Variants in NFAT5 observed in about 807,000 individuals in gnomAD.
NFAT5 encodes the protein nuclear factor of activated T-cells 5.
A neutral mutation model predicts 166.5 loss-of-function variants in NFAT5; 31 were observed. That is an observed-to-expected ratio of 0.19 (90% CI 0.14 to 0.25). The LOEUF is 0.25. NFAT5 is among the 10% of genes least tolerant of loss of function. The probability of loss-of-function intolerance (pLI) is 1.00; values close to 1 mark genes in which losing one functional copy is unlikely to be tolerated. For missense variants in NFAT5, 1,449 were observed against 1,821.8 expected, an observed-to-expected ratio of 0.80 and a Z score of 3.72; for synonymous variants, 612 against 639.7, an observed-to-expected ratio of 0.96 and a Z score of 0.65.
intron 10 of NFAT5, among the ~76,000 whole-genome samples, chr16:69,680,481 A>C (rs1324642582): frequency 1.3e-5 from 2 of 152,194 alleles, no homozygotes; most frequent in Non-Finnish European, 2.9e-5. Flanking sequence ...GGCCTTTGAT[A>C]AATTGCTGAA....
Position 69,653,371 on chromosome 16 carries a change from T to C in NFAT5, c.948T>C (p.Thr316=), listed in dbSNP as rs1278786133. The part of the protein sequence containing the change: ...PETQHRARYL[T]EGSRGSVKDR... ...CACAGCACCGAGCTCGGTACCTGAC[T>C]GAGGGCAGCCGTGGCTCAGTGAAAG... The change falls in exon 5 of 15, where the codon ACT becomes ACC. Residue 316 remains threonine (T), a synonymous_variant. Transcript: ENST00000349945. 2.5e-6 allele frequency: 4 copies of C among 1,610,176 alleles called. No homozygotes were observed. The highest frequency in any genetic ancestry group is 2.5e-6 in the Non-Finnish European group (3 of 1,179,108).
intron 3 of NFAT5, among the ~76,000 whole-genome samples, chr16:69,639,921 AGAGGTTAATAATT>A (rs1257709690): frequency 6.6e-6 from 1 of 152,212 alleles, no homozygotes; most frequent in Non-Finnish European, 1.5e-5. Flanking sequence ...ACATGCATTC[AGAGGTTAATAATT>A]AAATTTTTTG....
rs925955319 is a variant in NFAT5, at chr16:69,657,867, C to T, written c.1197-1860C>T. 4.6e-5 allele frequency among the ~76,000 whole-genome samples: 7 copies of T among 150,796 alleles called. No individual in the cohort carries two copies. The East Asian group carries it at 5.8e-4, about 13-fold the overall frequency. On this transcript the variant is annotated intron_variant, in intron 6 of 14. Coordinates refer to ENST00000349945, the MANE Select transcript of NFAT5 (RefSeq NM_138713.4). ...TTGGGAGGCCGAGGCAGGCGGATCACGAGGTCAGGAGATCGAGACCATCCT... is the reference window on the plus strand; with the variant it reads ...TTGGGAGGCCGAGGCAGGCGGATCATGAGGTCAGGAGATCGAGACCATCCT...
intron 2 of NFAT5, among the ~76,000 whole-genome samples, chr16:69,587,944 CTTTT>C (rs61460423): frequency 4.4e-5 from 3 of 68,230 alleles, no homozygotes; most frequent in Non-Finnish European, 8.6e-5. Flanking sequence ...ATAGTGCTTT[CTTTT>C]TTTTTTTTTT....
chr16:69,661,697 T>C (rs1225785555), intron 7 of NFAT5, among the ~76,000 whole-genome samples: 1 of 152,028 alleles, frequency 6.6e-6, no homozygotes, highest in Non-Finnish European at 1.5e-5. Flanking sequence ...CAATCCTGGG[T>C]GTAGGTTCGA....
intron 4 of NFAT5, chr16:69,649,230 A>G (rs1331957722): frequency 1.0e-6 from 1 of 957,262 alleles, no homozygotes; most frequent in Non-Finnish European, 1.2e-6. Context: ...ATATCATTTA[A>G]TTACATATGT....
chr16:69,645,284 T>G (rs1398396574), intron 3 of NFAT5, among the ~76,000 whole-genome samples: 1 of 152,226 alleles, frequency 6.6e-6, no homozygotes, highest in Non-Finnish European at 1.5e-5. Context: ...TAAATTGGAA[T>G]GCAGTTTAAA....
intron 2 of NFAT5, among the ~76,000 whole-genome samples, chr16:69,618,769 A>T (rs1294390889): frequency 2.6e-5 from 4 of 152,316 alleles, no homozygotes; most frequent in South Asian, 2.1e-4. Context: ...TCTAATATTT[A>T]AAAAAAGATT....
intron 2 of NFAT5, among the ~76,000 whole-genome samples, chr16:69,599,621 G>C (rs1384718384): frequency 6.6e-6 from 1 of 152,134 alleles, no homozygotes; most frequent in Non-Finnish European, 1.5e-5. Flanking sequence ...AGGGTTAGGA[G>C]GGATAAGAAA....
intron 2 of NFAT5, among the ~76,000 whole-genome samples, chr16:69,584,036 C>A (rs187212973): frequency 6.6e-6 from 1 of 152,034 alleles, no homozygotes; most frequent in Non-Finnish European, 1.5e-5. Context: ...ACCAGCCTGG[C>A]CAACATGATG....
intron 2 of NFAT5, among the ~76,000 whole-genome samples, chr16:69,591,782 A>G (rs907110299): frequency 6.6e-6 from 1 of 152,154 alleles, no homozygotes; most frequent in Non-Finnish European, 1.5e-5. Flanking sequence ...TCATGGGGCC[A>G]AGGCAGATGA....
intron 2 of NFAT5, among the ~76,000 whole-genome samples, chr16:69,574,695 G>C (rs1194392586): frequency 1.3e-5 from 2 of 149,622 alleles, no homozygotes; most frequent in Non-Finnish European, 3.0e-5. Flanking sequence ...TTGAAACGGA[G>C]TCGTGCTCTG....
rs144294785 is a variant in NFAT5, at chr16:69,568,376, GTATATATATATA to G, written c.74-112_74-101del. ...TGTGTGTGTGTGTGTGTGTGTGTGT[GTATATATATATA>G]TATATACACACACACACATTGCAGT... On this transcript the variant is annotated intron_variant, in intron 1 of 14. Coordinates refer to ENST00000349945, the MANE Select transcript of NFAT5 (RefSeq NM_138713.4). 752 of 288,444 alleles carry G rather than the reference GTATATATATATA, an allele frequency of 2.6e-3. 24 individuals carry two copies. Among genetic ancestry groups the G allele is most frequent in the South Asian group, 6.2e-3 (154 of 24,738 alleles). The allele number at this position is 288,444 out of a possible 1,614,324, so 17.9% of individuals were successfully genotyped here. A position where few individuals can be genotyped will look rare whatever the true frequency, so the allele number is the denominator to read the frequency against.
intron 5 of NFAT5, among the ~76,000 whole-genome samples, chr16:69,654,902 A>T (rs765609578): frequency 6.6e-6 from 1 of 152,228 alleles, no homozygotes; most frequent in Non-Finnish European, 1.5e-5. Context: ...AGGAGCTTCA[A>T]TGTTTAACTA....
At chr16:69,650,760 C>T (rs1597470753) in intron 4 of NFAT5, among the ~76,000 whole-genome samples, 1 of 152,256 alleles carries the variant, frequency 6.6e-6, no homozygotes, top group South Asian at 2.1e-4. Flanking sequence ...TCTAGTCACT[C>T]AGTAAATCTG....
intron 2 of NFAT5, among the ~76,000 whole-genome samples, chr16:69,618,422 C>G (rs1050229276): frequency 6.6e-6 from 1 of 152,142 alleles, no homozygotes; most frequent in Non-Finnish European, 1.5e-5. Flanking sequence ...ACTGCATACT[C>G]TTTTAGAAAC....
intron 2 of NFAT5, among the ~76,000 whole-genome samples, chr16:69,597,743 C>T (rs1243070002): frequency 2.0e-5 from 3 of 152,074 alleles, no homozygotes; most frequent in Admixed American, 2.0e-4. Context: ...AGGCGCCCAC[C>T]ACCGCGCCTG....
intron 3 of NFAT5, 138 bp from the exon 4 acceptor site, chr16:69,646,890 A>G (rs1230794325): frequency 2.7e-6 from 2 of 730,128 alleles, no homozygotes; most frequent in Non-Finnish European, 4.3e-6. Flanking sequence ...AAGCATTTAT[A>G]TTCTAAAACA....
At chr16:69,574,863 G>T (rs1291944772) in intron 2 of NFAT5, among the ~76,000 whole-genome samples, 2 of 151,774 alleles carry the variant, frequency 1.3e-5, no homozygotes, top group Non-Finnish European at 2.9e-5. Context: ...GTAGAGATGG[G>T]GTTTCACCAT....
Sources: allele counts gnomAD v4.1 joint callset (sites outside exome capture counted in the v4.1 genomes callset), GRCh38; gene constraint gnomAD v4.1.1; transcripts MANE v1.5; gene names NCBI Gene and HGNC (gene_info 2026-07-23, HGNC 2026-07-21).